Variants in ATP2C2 observed in about 807,000 individuals in gnomAD.
The protein encoded by ATP2C2 is ATPase secretory pathway Ca2+ transporting 2.
Under a neutral mutation model 110.8 loss-of-function variants are expected in ATP2C2, and 171 were observed. The ratio of observed to expected loss-of-function variants is 1.54; its 90% confidence interval spans 1.36 to 1.75. The LOEUF is 1.75. Among genes scored for constraint, ATP2C2 ranks in the 40% most tolerant of loss-of-function variants. The pLI, the probability that ATP2C2 is intolerant of heterozygous loss-of-function variation, is 0.00. For synonymous variants in ATP2C2, 804 were observed against 508.4 expected, an observed-to-expected ratio of 1.58 and a Z score of -7.82; for missense variants, 1,963 against 1,235.0, an observed-to-expected ratio of 1.59 and a Z score of -8.84.
chr16:84,425,779 A>C lies in ATP2C2; in HGVS notation c.964A>C (p.Ser322Arg), dbSNP rs778764456. The stretch of plus-strand genomic sequence containing the variant: ...CTGGTCGCAAGGGAAACAACTCCTG[A>C]GTATGTTCACGATCGGGGTCAGGTA... ...IGWSQGKQLL[S>R]MFTIGVSLAV... Residue 322 changes from serine to arginine, a missense_variant, in exon 11 of 27, where the codon AGT (serine) becomes CGT (arginine). Physicochemically the swap from Ser to Arg is moderately radical, Grantham distance 110. Coordinates refer to ENST00000262429, the MANE Select transcript of ATP2C2 (RefSeq NM_014861.4). The C allele has an allele frequency of 3.1e-6, 5 of 1,614,112 alleles. No individual in the cohort carries two copies. In the South Asian group the frequency reaches 5.5e-5, roughly 18 times the overall value.
chr16:84,453,801 C>T (rs1038634484), intron 20 of ATP2C2, among the ~76,000 whole-genome samples: 29 of 151,950 alleles, frequency 1.9e-4, no homozygotes, highest in African/African-American at 6.8e-4. Flanking sequence ...AATTGGATAA[C>T]GTAGAGGGAA....
At chr16:84,426,490 G>A (rs867899431) in intron 11 of ATP2C2, among the ~76,000 whole-genome samples, 2 of 152,088 alleles carry the variant, frequency 1.3e-5, no homozygotes, top group African/African-American at 4.8e-5. Context: ...CTAAGAGCAA[G>A]GACCCCAGAG....
At chr16:84,371,639 G>A (rs1192539597) in intron 1 of ATP2C2, among the ~76,000 whole-genome samples, 1 of 152,240 alleles carries the variant, frequency 6.6e-6, no homozygotes, top group Non-Finnish European at 1.5e-5. Context: ...AGGTGACTCA[G>A]CGCCAACTCC....
intron 7 of ATP2C2, among the ~76,000 whole-genome samples, chr16:84,419,589 G>A (rs770552185): frequency 2.0e-5 from 3 of 152,122 alleles, no homozygotes; most frequent in Non-Finnish European, 4.4e-5. Flanking sequence ...GGGGCAGGGG[G>A]ACGTTACTCA....
At chr16:84,422,793 GTGGCATGTGGTTCA>G in intron 9 of ATP2C2, 96 bp downstream of exon 9, 1 of 1,265,070 alleles carries the variant, frequency 7.9e-7, no homozygotes, top group Non-Finnish European at 1.1e-6. Context: ...TTAGGAATGA[GTGGCATGTGGTTCA>G]TATGAGTATA....
At chr16:84,426,783 C>T (rs944133353) in intron 11 of ATP2C2, among the ~76,000 whole-genome samples, 1 of 152,148 alleles carries the variant, frequency 6.6e-6, no homozygotes, top group Non-Finnish European at 1.5e-5. Flanking sequence ...GATGTAGAGC[C>T]CAAGGCCACA....
At position 84,437,426 on chromosome 16, in the gene ATP2C2, G is replaced by T. The variant is rs558238861; in HGVS notation, c.987-1740G>T. Among the ~76,000 whole-genome samples the T allele has an allele frequency of 2.0e-5, 3 of 152,096 alleles. No homozygotes were observed. In the East Asian group the frequency reaches 5.8e-4, roughly 29 times the overall value. ...AAATAAAAAAATGTTGCCCAGGCTAGTCTTGAACTCTTGAGCTCAAATGAT... is the reference window on the plus strand; with the variant it reads ...AAATAAAAAAATGTTGCCCAGGCTATTCTTGAACTCTTGAGCTCAAATGAT... On this transcript the variant is annotated intron_variant, in intron 11 of 26. Transcript: ENST00000262429.
chr16:84,382,594 T>G (rs906576453), intron 1 of ATP2C2, among the ~76,000 whole-genome samples: 2 of 152,158 alleles, frequency 1.3e-5, no homozygotes, highest in African/African-American at 4.8e-5. Context: ...AGGCTGACCA[T>G]AGACATGGCC....
chr16:84,452,442 T>C (rs1910372303), intron 18 of ATP2C2, among the ~76,000 whole-genome samples: 1 of 151,580 alleles, frequency 6.6e-6, no homozygotes, highest in South Asian at 2.1e-4. Context: ...ATTGAACCAC[T>C]CTGACCCTCA....
At chr16:84,433,509 C>T (rs772922779) in intron 11 of ATP2C2, among the ~76,000 whole-genome samples, 45 of 151,972 alleles carry the variant, frequency 3.0e-4, no homozygotes, top group Admixed American at 1.4e-3. Context: ...AAAAATTAGC[C>T]GGGCATGGTG....
chr16:84,459,594 T>C lies in ATP2C2; in HGVS notation c.2333+208T>C, dbSNP rs567039122. ...AAGTACCTGGGCCGGCAGAGCTGGG[T>C]GAGGATGGAACTTTCTGCTCCCTCT... is the stretch of plus-strand genomic sequence containing the variant. On this transcript the variant is annotated intron_variant, in intron 23 of 26. Transcript: ENST00000262429. 6.9e-4 allele frequency: 1,058 copies of C among 1,535,684 alleles called. 24 individuals are homozygous for C. The South Asian group carries it at 0.012, about 17-fold the overall frequency.
Position 84,431,502 on chromosome 16 carries a change from A to G in ATP2C2, c.986+5701A>G, listed in dbSNP as rs144049290. ...CAGAGCAAAACTCTGTCTCAAGACGAAAAAAAGGGAGGTAGAAGGGGATGG... is the reference window on the plus strand; with the variant it reads ...CAGAGCAAAACTCTGTCTCAAGACGGAAAAAAGGGAGGTAGAAGGGGATGG... On this transcript the variant is annotated intron_variant, in intron 11 of 26. Transcript: ENST00000262429. 4.1e-3 allele frequency among the ~76,000 whole-genome samples: 627 copies of G among 152,138 alleles called. 2 individuals are homozygous for G. The highest frequency in any genetic ancestry group is 0.014 in the African/African-American group (596 of 41,496).
intron 1 of ATP2C2, among the ~76,000 whole-genome samples, chr16:84,370,506 G>A (rs1909890675): frequency 6.6e-6 from 1 of 152,124 alleles, no homozygotes; most frequent in Non-Finnish European, 1.5e-5. Context: ...GAGGGAGGTG[G>A]GGAGGCCGGG....
chr16:84,439,777 C>T (rs1909077827), intron 13 of ATP2C2, among the ~76,000 whole-genome samples: 1 of 152,136 alleles, frequency 6.6e-6, no homozygotes, highest in Non-Finnish European at 1.5e-5. Context: ...AATTTAAAAG[C>T]TAGAAAAAAT....
intron 1 of ATP2C2, among the ~76,000 whole-genome samples, chr16:84,381,873 A>T (rs1433572905): frequency 1.3e-5 from 2 of 152,210 alleles, no homozygotes; most frequent in Non-Finnish European, 1.5e-5. Flanking sequence ...GGCTTAGAAA[A>T]TGAAGTAACT....
chr16:84,425,700 A>C, intron 10 of ATP2C2, 35 bp from the exon 11 acceptor site: 2 of 1,605,348 alleles, frequency 1.2e-6, no homozygotes, highest in South Asian at 1.1e-5. Context: ...TGTGTAGTGC[A>C]TATGGAGATA....
At chr16:84,386,476 C>G (rs1904326853) in intron 1 of ATP2C2, among the ~76,000 whole-genome samples, 1 of 152,182 alleles carries the variant, frequency 6.6e-6, no homozygotes, top group African/African-American at 2.4e-5. Context: ...CTCACCTTGC[C>G]AACAATTGCA....
At chr16:84,415,929 A>T (rs1906795020) in intron 7 of ATP2C2, among the ~76,000 whole-genome samples, 1 of 151,632 alleles carries the variant, frequency 6.6e-6, no homozygotes, top group Admixed American at 6.6e-5. Context: ...CAAGTGTTAG[A>T]AAGAAGTGAT....
chr16:84,404,718 G>T (rs1410169419), intron 2 of ATP2C2: 3 of 353,364 alleles, frequency 8.5e-6, no homozygotes, highest in Non-Finnish European at 1.6e-5. Context: ...CCCCAAAGTG[G>T]AATTGCTGGA....
Sources: gnomAD v4.1 joint callset for allele counts (sites outside exome capture counted in the v4.1 genomes callset) on GRCh38, gnomAD v4.1.1 for gene constraint, MANE v1.5 for transcripts, NCBI Gene and HGNC (gene_info 2026-07-23, HGNC 2026-07-21) for gene names.